The following COX7B2 variants were observed in gnomAD, a reference collection of about 807,000 sequenced individuals.
COX7B2 encodes cytochrome c oxidase subunit 7B2.
For missense variants in COX7B2, 109 were observed against 95.9 expected (o/e 1.14, Z -0.57); for synonymous variants, 37 against 32.1 (o/e 1.15, Z -0.51).
intron 2 of COX7B2, among the ~76,000 whole-genome samples, chr4:46,754,858 T>C (rs1715680332): frequency 6.6e-6 from 1 of 150,380 alleles, no homozygotes; most frequent in African/African-American, 2.4e-5. Flanking sequence ...CCAAATACTA[T>C]CAAACATACA....
chr4:46,791,134 G>A (rs1325965824), intron 2 of COX7B2, among the ~76,000 whole-genome samples: 1 of 151,880 alleles, frequency 6.6e-6, no homozygotes, highest in Non-Finnish European at 1.5e-5. Flanking sequence ...GAGTAGCTGG[G>A]ACTACAGGCG....
chr4:46,749,703 A>G (rs1380155930), intron 2 of COX7B2, among the ~76,000 whole-genome samples: 2 of 152,186 alleles, frequency 1.3e-5, no homozygotes. Context: ...AATTCATCTA[A>G]TGGATGTTAG....
intron 2 of COX7B2, among the ~76,000 whole-genome samples, chr4:46,740,118 A>C (rs552541858): frequency 7.2e-5 from 11 of 152,196 alleles, no homozygotes; most frequent in Non-Finnish European, 1.6e-4. Flanking sequence ...TTTTAGCTGC[A>C]AAGGTATATA....
intron 1 of COX7B2, among the ~76,000 whole-genome samples, chr4:46,872,925 AACCTGTC>A (rs1399441952): frequency 2.0e-5 from 3 of 152,032 alleles, no homozygotes; most frequent in Admixed American, 1.3e-4. Flanking sequence ...TGCACTCATC[AACCTGTC>A]ACCTACATTA....
chr4:46,866,988 G>A (rs1031794001), intron 1 of COX7B2, among the ~76,000 whole-genome samples: 11 of 152,038 alleles, frequency 7.2e-5, no homozygotes, highest in African/African-American at 2.7e-4. Context: ...ATCTCACCTG[G>A]TTTTTACCTT....
At chr4:46,823,880 G>A (rs1433322777) in intron 2 of COX7B2, among the ~76,000 whole-genome samples, 2 of 142,482 alleles carry the variant, frequency 1.4e-5, no homozygotes, top group East Asian at 2.1e-4. Context: ...GAGAGAGAAA[G>A]CACAAATTAT....
chr4:46,764,357 C>T (rs1397998273), intron 2 of COX7B2, among the ~76,000 whole-genome samples: 2 of 151,496 alleles, frequency 1.3e-5, no homozygotes, highest in Non-Finnish European at 2.9e-5. Context: ...CCAGCCTGAC[C>T]AACATGGCGA....
chr4:46,872,359 G>A (rs369591760), intron 1 of COX7B2, among the ~76,000 whole-genome samples: 54 of 151,768 alleles, frequency 3.6e-4, no homozygotes, highest in African/African-American at 1.1e-3. Context: ...AGCAGAAAAC[G>A]TAACTATTGA....
At chr4:46,889,793 C>T (rs1438817123) in intron 1 of COX7B2, among the ~76,000 whole-genome samples, 1 of 152,044 alleles carries the variant, frequency 6.6e-6, no homozygotes, top group Non-Finnish European at 1.5e-5. Context: ...ACTACAATGA[C>T]AGACACACAC....
chr4:46,834,950 C>A (rs1715405882), intron 2 of COX7B2, among the ~76,000 whole-genome samples: 1 of 152,104 alleles, frequency 6.6e-6, no homozygotes, highest in East Asian at 1.9e-4. Flanking sequence ...AAAAAAATCC[C>A]TTGAAAGCAA....
chr4:46,829,253 GAATATTATAA>G, intron 2 of COX7B2, among the ~76,000 whole-genome samples: 1 of 152,074 alleles, frequency 6.6e-6, no homozygotes, highest in East Asian at 1.9e-4. Flanking sequence ...CAGTTTAGTT[GAATATTATAA>G]AGTAATAGTC....
rs561135258 is a variant in COX7B2 at position 46,787,403 on chromosome 4, T to C, written c.-49-52162A>G. ...CAGAAGTTGCAATGAGCCGAGATCG[T>C]GCCATTGCACTCCAGCCTGGACAAC... On this transcript the variant is annotated intron_variant, in intron 2 of 2. Transcript: ENST00000355591. Among the ~76,000 whole-genome samples, 178 of 151,804 alleles carry C rather than the reference T, an allele frequency of 1.2e-3. 1 individual carries two copies. The highest frequency in any genetic ancestry group is 4.1e-3 in the African/African-American group (168 of 41,378).
At position 46,759,310 on chromosome 4, in the gene COX7B2, A is replaced by G. The variant is rs73813509; in HGVS notation, c.-49-24069T>C. On this transcript the variant is annotated intron_variant, in intron 2 of 2. Transcript: ENST00000355591. The stretch of plus-strand genomic sequence containing the variant: ...GTTAGAGATCAACTATGAGGAAAAT[A>G]TATTCAATATACTCAGAGATTTTTT... Among the ~76,000 whole-genome samples, 393 of 152,218 alleles carry G rather than the reference A, an allele frequency of 2.6e-3. 2 individuals carry two copies. Among genetic ancestry groups the G allele is most frequent in the African/African-American group, 9.0e-3 (372 of 41,550 alleles).
At chr4:46,768,894 A>G (rs1384585092) in intron 2 of COX7B2, among the ~76,000 whole-genome samples, 1 of 152,110 alleles carries the variant, frequency 6.6e-6, no homozygotes, top group Non-Finnish European at 1.5e-5. Context: ...TAATACCACA[A>G]AAATACAAAG....
At chr4:46,859,980 C>A (rs1056920982) in intron 1 of COX7B2, among the ~76,000 whole-genome samples, 8 of 152,182 alleles carry the variant, frequency 5.3e-5, no homozygotes, top group African/African-American at 1.9e-4. Context: ...AATAAACCTG[C>A]TTTTTCCCAC....
chr4:46,855,420 G>A (rs144814726), intron 1 of COX7B2, among the ~76,000 whole-genome samples: 1,696 of 151,670 alleles, frequency 0.011, 20 homozygotes, highest in Middle Eastern at 0.041. Context: ...AGTAAGTATC[G>A]AAAATAATGA....
At chr4:46,829,689 A>T (rs1714935799) in intron 2 of COX7B2, among the ~76,000 whole-genome samples, 1 of 152,196 alleles carries the variant, frequency 6.6e-6, no homozygotes, top group African/African-American at 2.4e-5. Context: ...ACTGGATCTT[A>T]AGAAGGTTTA....
rs550385170 is a variant in COX7B2, at chr4:46,905,920, C to G, written c.-105+3240G>C. Among the ~76,000 whole-genome samples the G allele has an allele frequency of 6.6e-5, 9 of 136,776 alleles. No individual in the cohort carries two copies. In the South Asian group the frequency reaches 1.7e-3, roughly 25 times the overall value. The allele number at this position is 136,776 out of a possible 152,430, so 89.7% of individuals were successfully genotyped here. A position where few individuals can be genotyped will look rare whatever the true frequency, so the allele number is the denominator to read the frequency against. ...TCTCAGCTCACTGCAAGCTCCGCTT[C>G]CCGGGTTCACGCCATTCTCCTTCCT... On this transcript the variant is annotated intron_variant, in intron 1 of 2. Transcript: ENST00000355591.
chr4:46,798,385 T>G (rs1718471159), intron 2 of COX7B2, among the ~76,000 whole-genome samples: 1 of 152,176 alleles, frequency 6.6e-6, no homozygotes, highest in Non-Finnish European at 1.5e-5. Context: ...TAGCATTGAG[T>G]GAGGCCATCA....
Sources: gnomAD v4.1 joint callset for allele counts (sites outside exome capture counted in the v4.1 genomes callset) on GRCh38, gnomAD v4.1.1 for gene constraint, MANE v1.5 for transcripts, NCBI Gene and HGNC (gene_info 2026-07-23, HGNC 2026-07-21) for gene names.